The following DNAAF9 variants were observed in gnomAD, a reference collection of about 807,000 sequenced individuals.
DNAAF9 encodes the protein shulin.
A neutral mutation model predicts 167.0 loss-of-function variants in DNAAF9; 90 were observed. The ratio of observed to expected loss-of-function variants is 0.54; its 90% CI spans 0.45 to 0.64. DNAAF9 has a LOEUF of 0.64. DNAAF9 is among the 30% of genes least tolerant of loss of function. The pLI, the probability that DNAAF9 is intolerant of heterozygous loss-of-function variation, is 0.00. For missense variants in DNAAF9, 1,315 were observed against 1,442.2 expected, an observed-to-expected ratio of 0.91 and a Z score of 1.43; for synonymous variants, 491 against 508.8, an observed-to-expected ratio of 0.96 and a Z score of 0.47.
chr20:3,370,948 C>T (rs6037581), intron 6 of DNAAF9, among the ~76,000 whole-genome samples: 38,058 of 151,952 alleles, frequency 0.25, 5,376 homozygotes, highest in African/African-American at 0.37. Flanking sequence ...GAGAGGAGAG[C>T]GGTAGAGGGA....
rs2068875321 is a variant in DNAAF9, at chr20:3,287,648, G to C, written c.2470C>G (p.Leu824Val). Reference sequence around the variant, plus strand: ...AATGCTCACCCTTGTAACACCACCAGCAGTCTGGTCTTCTTGCGGATGTAG... The same window carrying C: ...AATGCTCACCCTTGTAACACCACCACCAGTCTGGTCTTCTTGCGGATGTAG... ...SAYIRKKTRL[L>V]VVLQGYTDVI... The change falls in exon 27 of 37, where the codon CTG (leucine) becomes GTG (valine). Residue 824 changes from leucine (L) to valine (V), a missense_variant. Around this residue, in one of 2 missense-constraint regions of DNAAF9, gnomAD observed 981 missense variants for 1,012.5 expected, o/e 0.97. Coordinates refer to ENST00000252032, the MANE Select transcript of DNAAF9 (RefSeq NM_001009984.3). The C allele has an allele frequency of 6.2e-7, 1 of 1,614,098 alleles. No homozygotes were observed. Among genetic ancestry groups the C allele is most frequent in the South Asian group, 1.1e-5 (1 of 91,088 alleles).
Position 3,326,181 on chromosome 20 carries a change from A to G in DNAAF9, c.1188+16T>C, listed in dbSNP as rs1295430015. 10 of 1,494,698 alleles carry G rather than the reference A, an allele frequency of 6.7e-6. No individual in the cohort carries two copies. Among genetic ancestry groups the G allele is most frequent in the Middle Eastern group, 1.7e-4 (1 of 5,856 alleles). The allele number at this position is 1,494,698 out of a possible 1,614,324, so 92.6% of individuals were successfully genotyped here. On this transcript the variant is annotated intron_variant, in intron 13 of 36. Coordinates refer to ENST00000252032, the MANE Select transcript of DNAAF9 (RefSeq NM_001009984.3). ...AAATAATAATTACAGAAAGGGAAAC[A>G]TGGTATTTAAATTACCTTTGTTAGA...
chr20:3,347,786 G>A (rs1335208260), intron 8 of DNAAF9, among the ~76,000 whole-genome samples: 1 of 152,092 alleles, frequency 6.6e-6, no homozygotes, highest in East Asian at 1.9e-4. Context: ...GCTGGGCATG[G>A]TGGTGTGTGC....
intron 1 of DNAAF9, among the ~76,000 whole-genome samples, chr20:3,394,634 C>G (rs2083873792): frequency 1.3e-5 from 2 of 152,106 alleles, no homozygotes; most frequent in Non-Finnish European, 1.5e-5. Flanking sequence ...GAAGCAGGAA[C>G]CCAACTGCAT....
intron 21 of DNAAF9, 35 bp downstream of exon 21, chr20:3,304,405 C>G (rs766611230): frequency 1.6e-5 from 15 of 944,098 alleles, no homozygotes. Context: ...AGCAACTTTC[C>G]GACCAAAAAA....
intron 1 of DNAAF9, among the ~76,000 whole-genome samples, chr20:3,386,463 T>C (rs2083739303): frequency 1.3e-5 from 2 of 152,176 alleles, no homozygotes; most frequent in South Asian, 4.1e-4. Context: ...ACACATTATA[T>C]ACAAATTAAA....
intron 1 of DNAAF9, among the ~76,000 whole-genome samples, chr20:3,399,793 G>A (rs2083959115): frequency 6.6e-6 from 1 of 152,140 alleles, no homozygotes. Flanking sequence ...CACAGAAGAG[G>A]CCTGGTTCCC....
At chr20:3,274,488 T>TA (rs1164876630) in intron 29 of DNAAF9, among the ~76,000 whole-genome samples, 1 of 152,210 alleles carries the variant, frequency 6.6e-6, no homozygotes, top group African/African-American at 2.4e-5. Flanking sequence ...AAAGCTACCA[T>TA]AATGTAAAGA....
Position 3,340,503 on chromosome 20 carries a change from C to A in DNAAF9, c.981+1G>T. 6.9e-7 allele frequency: 1 copy of A among 1,454,704 alleles called. No homozygotes were observed. The allele number at this position is 1,454,704 out of a possible 1,614,324, so 90.1% of individuals were successfully genotyped here. A position where few individuals can be genotyped will look rare whatever the true frequency, so the allele number is the denominator to read the frequency against. On this transcript the variant is annotated splice_donor_variant, in intron 10 of 36. Coordinates refer to ENST00000252032, the MANE Select transcript of DNAAF9 (RefSeq NM_001009984.3). LOFTEE classifies it high-confidence loss of function. The stretch of plus-strand genomic sequence containing the variant: ...AAGCACCAGGCAGTCCAGCCACTTA[C>A]CATGTGCTTGGCAAAGCTCCCGCCG...
At chr20:3,253,684 C>T in intron 36 of DNAAF9, 42 bp downstream of exon 36, 1 of 1,220,972 alleles carries the variant, frequency 8.2e-7, no homozygotes, top group Non-Finnish European at 1.2e-6. Flanking sequence ...CCCAGCCTCA[C>T]TGCCCGGGTT....
Position 3,315,990 on chromosome 20 carries a change from A to AC in DNAAF9, c.1540-206dup, listed in dbSNP as rs1160171737. 1 of 600,998 alleles carries AC rather than the reference A, an allele frequency of 1.7e-6. No homozygotes were observed. The allele number at this position is 600,998 out of a possible 1,614,324, so 37.2% of individuals were successfully genotyped here. A position where few individuals can be genotyped will look rare whatever the true frequency, so the allele number is the denominator to read the frequency against. On this transcript the variant is annotated intron_variant, in intron 18 of 36. Transcript: ENST00000252032. The surrounding 1 kb of genome is among the most constrained non-coding windows in gnomAD (Gnocchi z 4.1). ...GCCCAAGGCCTTGGTGGGCTCTCTC[A>AC]CTAGGACCTGAGGTCCAGCTAATGA...
At position 3,371,339 on chromosome 20, in the gene DNAAF9, T is replaced by G. The variant is rs1242020334; in HGVS notation, c.612+2709A>C. ...TTTGTTCCTTGAAGAAAATCTTTTT[T>G]TTTTTTTTTTTTTTTTTTTTTGAGA... On this transcript the variant is annotated intron_variant, in intron 6 of 36. Coordinates refer to ENST00000252032, the MANE Select transcript of DNAAF9 (RefSeq NM_001009984.3). Among the ~76,000 whole-genome samples, 27 of 127,162 alleles carry G rather than the reference T, an allele frequency of 2.1e-4. 1 individual carries two copies. The highest frequency in any genetic ancestry group is 7.3e-4 in the African/African-American group (24 of 32,882). 83.4% of individuals were successfully genotyped at this position (127,162 alleles called of 152,430 possible). A position where few individuals can be genotyped will look rare whatever the true frequency, so the allele number is the denominator to read the frequency against.
chr20:3,337,281 T>A (rs74707639), intron 10 of DNAAF9, among the ~76,000 whole-genome samples: 1 of 151,462 alleles, frequency 6.6e-6, no homozygotes, highest in East Asian at 1.9e-4. Context: ...TTTTTTTTTT[T>A]GAGACGGAGT....
At chr20:3,300,206 G>A (rs982579984) in intron 21 of DNAAF9, among the ~76,000 whole-genome samples, 2 of 152,068 alleles carry the variant, frequency 1.3e-5, no homozygotes, top group Non-Finnish European at 2.9e-5. Context: ...GCCCGGCAGC[G>A]TTTTCCTATC....
At chr20:3,343,028 A>T (rs2070117702) in intron 9 of DNAAF9, among the ~76,000 whole-genome samples, 1 of 127,108 alleles carries the variant, frequency 7.9e-6, no homozygotes, top group African/African-American at 2.9e-5. Flanking sequence ...TACTCTGATG[A>T]TTATTTCTAT....
At position 3,255,996 on chromosome 20, in the gene DNAAF9, T is replaced by C; in HGVS notation, c.3261+10A>G. 2 of 1,610,056 alleles carry C rather than the reference T, an allele frequency of 1.2e-6. No individual in the cohort carries two copies. The highest frequency in any genetic ancestry group is 1.7e-6 in the Non-Finnish European group (2 of 1,177,904). On this transcript the variant is annotated intron_variant, in intron 34 of 36. Coordinates refer to ENST00000252032, the MANE Select transcript of DNAAF9 (RefSeq NM_001009984.3). ...ATCTGTGTCAGGTCTGTCTGGGCTC[T>C]GGAAACCACCTGCTTAGCTGACTGC...
At chr20:3,286,204 C>T (rs2068850887) in intron 27 of DNAAF9, among the ~76,000 whole-genome samples, 1 of 152,134 alleles carries the variant, frequency 6.6e-6, no homozygotes, top group African/African-American at 2.4e-5. Flanking sequence ...AGTATTCTGA[C>T]TGGAGTCCTC....
chr20:3,330,487 C>T (rs1002804248), intron 12 of DNAAF9, among the ~76,000 whole-genome samples, 159 bp downstream of exon 12: 3 of 152,018 alleles, frequency 2.0e-5, no homozygotes, highest in African/African-American at 7.2e-5. Context: ...AGTGATCCTC[C>T]CACCTCAGCT....
At chr20:3,322,613 C>G in intron 15 of DNAAF9, 39 bp downstream of exon 15, 1 of 1,509,362 alleles carries the variant, frequency 6.6e-7, no homozygotes, top group South Asian at 1.1e-5. Flanking sequence ...CTTCCTAAAA[C>G]TTGCTCCATG....
Sources: gnomAD v4.1 joint callset for allele counts (sites outside exome capture counted in the v4.1 genomes callset) on GRCh38, gnomAD v4.1.1 for gene constraint, gnomAD v4.1.1 regional missense constraint, Gnocchi (gnomAD v3.1) non-coding constraint, MANE v1.5 for transcripts, NCBI Gene and HGNC (gene_info 2026-07-23, HGNC 2026-07-21) for gene names.